Variants in CEP76 observed in about 807,000 individuals in gnomAD.
The protein encoded by CEP76 is centrosomal protein 76, also known as centrosomal protein of 76 kDa.
In CEP76, 55 loss-of-function variants were observed where a neutral mutation model predicts 83.3. The observed-to-expected ratio is 0.66, with a 90% CI of 0.53 to 0.83. CEP76 has a LOEUF of 0.83. Among genes scored for constraint, CEP76 ranks in the 40% least tolerant of loss-of-function variants. The pLI is 0.00. For synonymous variants in CEP76, 270 were observed against 274.5 expected (o/e 0.98, Z 0.16); for missense variants, 694 against 799.5 (o/e 0.87, Z 1.59).
chr18:12,668,323 C>G (rs2038847894), downstream of CEP76, among the ~76,000 whole-genome samples: 1 of 151,538 alleles, frequency 6.6e-6, no homozygotes, highest in Non-Finnish European at 1.5e-5. Flanking sequence ...TGGGTGCCGT[C>G]GCAGATGCCA....
At chr18:12,683,186 C>CAA (rs765652085) in intron 8 of CEP76, among the ~76,000 whole-genome samples, 1,734 of 63,650 alleles carry the variant, frequency 0.027, 104 homozygotes, top group African/African-American at 0.097. Context: ...CTAAAAATAC[C>CAA]AAAAAAAAAA....
intron 9 of CEP76, among the ~76,000 whole-genome samples, chr18:12,678,657 A>C (rs1442719169): frequency 6.6e-6 from 1 of 152,160 alleles, no homozygotes; most frequent in African/African-American, 2.4e-5. Flanking sequence ...TAACAACAGA[A>C]TACATTCTAT....
Position 12,699,115 on chromosome 18 carries a change from T to C in CEP76, c.384A>G (p.Leu128=). The change falls in exon 4 of 12, where the codon TTA becomes TTG. Residue 128 remains leucine (L), a synonymous_variant. Transcript: ENST00000262127. ...FLEHLQEPEP[L]PGQVCSTFTL... Reference sequence around the variant, plus strand: ...TAAACGTTGAACAAACTTGTCCAGGTAAAGGCTCAGGTTCTTGCAGATGTT... The same window carrying C: ...TAAACGTTGAACAAACTTGTCCAGGCAAAGGCTCAGGTTCTTGCAGATGTT... 6.2e-7 allele frequency: 1 copy of C among 1,614,092 alleles called. No individual in the cohort carries two copies. The highest frequency in any genetic ancestry group is 8.5e-7 in the Non-Finnish European group (1 of 1,179,982).
rs1181652567 is a variant in CEP76 at position 12,674,614 on chromosome 18, G to T, written c.1763C>A (p.Pro588His). The T allele has an allele frequency of 6.2e-7, 1 of 1,614,000 alleles. No individual in the cohort carries two copies. Among genetic ancestry groups the T allele is most frequent in the Non-Finnish European group, 8.5e-7 (1 of 1,179,970 alleles). ...EFQDAIRRAV[P>H]DGHTFKGFPI... ...GAACCCTTTAAATGTGTGACCATCA[G>T]GTACAGCCCTTCTTATGGCATCTTG... The change falls in exon 11 of 12, where the codon CCT (proline) becomes CAT (histidine). Residue 588 changes from proline to histidine, a missense_variant. By Grantham distance (77) the Pro-to-His change is moderately conservative (BLOSUM62 -2). Coordinates refer to ENST00000262127, the MANE Select transcript of CEP76 (RefSeq NM_024899.4).
At chr18:12,697,154 G>A in intron 5 of CEP76, 69 bp downstream of exon 5, 2 of 1,126,084 alleles carry the variant, frequency 1.8e-6, no homozygotes, top group East Asian at 2.5e-5. Flanking sequence ...GCATTTTAAA[G>A]ATATAAAATA....
chr18:12,668,381 C>T (rs2038848870), downstream of CEP76, among the ~76,000 whole-genome samples: 1 of 151,832 alleles, frequency 6.6e-6, no homozygotes. Flanking sequence ...CACTTGAGAT[C>T]AGGAGTTTGA....
intron 8 of CEP76, 111 bp downstream of exon 8, chr18:12,686,149 TAC>T (rs2039533312): frequency 2.7e-6 from 2 of 748,654 alleles, no homozygotes; most frequent in African/African-American, 3.6e-5. Context: ...AACCTGTGGG[TAC>T]AGAGGGTTGA....
chr18:12,664,279 C>A (rs9959039), intron 12 of CEP76, among the ~76,000 whole-genome samples: 42,404 of 151,824 alleles, frequency 0.28, 6,022 homozygotes, highest in Non-Finnish European at 0.32. Context: ...CATGGTGGCT[C>A]ACACCTATAA....
chr18:12,672,675 A>G lies in CEP76; in HGVS notation c.*690T>C, dbSNP rs1837646622. On this transcript the variant is annotated 3_prime_UTR_variant, in exon 12 of 12. Transcript: ENST00000262127. ...TTTATCAGTATCATAACAAAGAGGT[A>G]TAATAAAGTTTTTCTAAAATACCCA... 5.3e-5 allele frequency: 52 copies of G among 979,050 alleles called. No homozygotes were observed. The highest frequency in any genetic ancestry group is 6.1e-5 in the Non-Finnish European group (50 of 824,110). The allele number at this position is 979,050 out of a possible 1,614,324, so 60.6% of individuals were successfully genotyped here. A position where few individuals can be genotyped will look rare whatever the true frequency, so the allele number is the denominator to read the frequency against.
At position 12,678,316 on chromosome 18, in the gene CEP76, A is replaced by G. The variant is rs761369841; in HGVS notation, c.1416T>C (p.Ser472=). The part of the protein sequence containing the change: ...HQMFLGNCQP[S]DAVETCVFDL... Reference sequence around the variant, plus strand: ...CAAATACACAGGTTTCTACTGCATCAGAGGGTTGACAATTTCCCAGGAACA... The same window carrying G: ...CAAATACACAGGTTTCTACTGCATCGGAGGGTTGACAATTTCCCAGGAACA... The change falls in exon 10 of 12, where the codon TCT becomes TCC. Residue 472 remains serine, a synonymous_variant. Coordinates refer to ENST00000262127, the MANE Select transcript of CEP76 (RefSeq NM_024899.4). 6.2e-7 allele frequency: 1 copy of G among 1,614,186 alleles called. No homozygotes were observed. Among genetic ancestry groups the G allele is most frequent in the Non-Finnish European group, 8.5e-7 (1 of 1,180,034 alleles).
intron 1 of CEP76, 143 bp downstream of exon 1, chr18:12,702,343 G>A: frequency 1.6e-6 from 1 of 640,252 alleles, no homozygotes; most frequent in Admixed American, 3.1e-5. Flanking sequence ...CAAACTCAAA[G>A]CTCTGCCTAC....
chr18:12,695,329 C>T lies in CEP76; in HGVS notation c.729G>A (p.Val243=), dbSNP rs763067724. ...TTTCAAGTTTTATATTTAAAATTCC[C>T]ACAGAAACTTTTGATTCTGTGCCTA... The part of the protein sequence containing the change: ...MGVGTESKVS[V]GILNIKLEMY... The change falls in exon 6 of 12, where the codon GTG becomes GTA. Residue 243 remains valine, a synonymous_variant. Coordinates refer to ENST00000262127, the MANE Select transcript of CEP76 (RefSeq NM_024899.4). 1 of 1,546,352 alleles carries T rather than the reference C, an allele frequency of 6.5e-7. No homozygotes were observed. The highest frequency in any genetic ancestry group is 1.2e-5 in the South Asian group (1 of 86,390).
chr18:12,697,135 A>G, intron 5 of CEP76, 88 bp downstream of exon 5: 1 of 982,030 alleles, frequency 1.0e-6, no homozygotes, highest in Non-Finnish European at 1.5e-6. Context: ...TCCCTCTTGG[A>G]TTATAAAAGC....
In CEP76 at chr18:12,678,288, A is replaced by T; in HGVS notation, c.1444T>A (p.Leu482Met). 1.9e-6 allele frequency: 3 copies of T among 1,614,158 alleles called. No homozygotes were observed. The South Asian group carries it at 3.3e-5, about 18-fold the overall frequency. ...SDAVETCVFD[L>M]NDESKWKPMS... is the part of the protein sequence containing the mutation. The stretch of plus-strand genomic sequence containing the variant: ...GGTTTCCATTTGGATTCATCGTTCA[A>T]ATCAAATACACAGGTTTCTACTGCA... The change falls in exon 10 of 12, where the codon TTG becomes ATG. Residue 482 changes from leucine to methionine, a missense_variant. By Grantham distance (15) the Leu-to-Met change is conservative. Transcript: ENST00000262127.
chr18:12,698,346 T>C (rs1568032956), intron 4 of CEP76, among the ~76,000 whole-genome samples: 1 of 152,118 alleles, frequency 6.6e-6, no homozygotes, highest in African/African-American at 2.4e-5. Flanking sequence ...ATTTTGTATT[T>C]CTAGTAGAGA....
exon 13 of CEP76, chr18:12,662,067 G>T (rs1226527850): frequency 5.3e-6 from 2 of 377,978 alleles, no homozygotes; most frequent in Non-Finnish European, 1.0e-5. Flanking sequence ...TACTCTGGAG[G>T]TACTGGCTGT....
intron 8 of CEP76, chr18:12,685,900 G>A (rs531223354): frequency 1.0e-3 from 158 of 158,344 alleles, no homozygotes; most frequent in Non-Finnish European, 1.1e-3. Context: ...CCAAAATGCT[G>A]GGATACAGGC....
At chr18:12,693,194 T>G (rs529599254) in intron 6 of CEP76, among the ~76,000 whole-genome samples, 1 of 152,282 alleles carries the variant, frequency 6.6e-6, no homozygotes, top group South Asian at 2.1e-4. Context: ...AACTTATGTT[T>G]TAGTCACTAG....
chr18:12,696,311 C>T (rs1183437624), intron 5 of CEP76, among the ~76,000 whole-genome samples: 4 of 151,936 alleles, frequency 2.6e-5, no homozygotes, highest in Non-Finnish European at 5.9e-5. Context: ...GAGACCATCC[C>T]GGCCAACATG....
Sources: gnomAD v4.1 joint callset for allele counts (sites outside exome capture counted in the v4.1 genomes callset) on GRCh38, gnomAD v4.1.1 for gene constraint, MANE v1.5 for transcripts, NCBI Gene and HGNC (gene_info 2026-07-23, HGNC 2026-07-21) for gene names.